ARID1B: variants seen among roughly 807,000 people sequenced by gnomAD.
ARID1B encodes the protein AT-rich interaction domain 1B, also known as AT-rich interactive domain-containing protein 1B.
Under a neutral mutation model 212.3 loss-of-function variants are expected in ARID1B, and 30 were observed. That is an observed-to-expected ratio of 0.14 (90% CI 0.11 to 0.19). ARID1B has a LOEUF of 0.19. Among genes scored for constraint, ARID1B ranks in the 10% least tolerant of loss-of-function variants. ARID1B has a pLI of 1.00. For missense variants in ARID1B, 2,891 were observed against 3,204.0 expected, an observed-to-expected ratio of 0.90 and a Z score of 2.36; for synonymous variants, 1,402 against 1,301.7, an observed-to-expected ratio of 1.08 and a Z score of -1.66.
chr6:156,921,025 G>A (rs1467567823), intron 3 of ARID1B, among the ~76,000 whole-genome samples: 1 of 151,924 alleles, frequency 6.6e-6, no homozygotes, highest in East Asian at 1.9e-4. Context: ...TTAATTAGCA[G>A]GGGGACTCCA....
chr6:157,008,219 A>T (rs1205192556), intron 4 of ARID1B, among the ~76,000 whole-genome samples: 1 of 152,218 alleles, frequency 6.6e-6, no homozygotes, highest in African/African-American at 2.4e-5. Flanking sequence ...AGTGGCATTA[A>T]GTACATTCAC....
At chr6:156,948,147 G>T (rs1027621494) in intron 4 of ARID1B, among the ~76,000 whole-genome samples, 14 of 152,306 alleles carry the variant, frequency 9.2e-5, no homozygotes, top group African/African-American at 3.1e-4. Context: ...AAAGTTAGGG[G>T]TATTCTTGAA....
intron 4 of ARID1B, chr6:156,976,871 C>T: frequency 6.9e-6 from 4 of 578,494 alleles, no homozygotes; most frequent in South Asian, 5.5e-5. Context: ...TTGTTGTGAA[C>T]CTCACAGGCG....
intron 1 of ARID1B, among the ~76,000 whole-genome samples, chr6:156,805,025 A>G (rs145307910): frequency 4.3e-4 from 65 of 152,294 alleles, no homozygotes; most frequent in African/African-American, 1.5e-3. Flanking sequence ...TAACAAATGT[A>G]AACATCTCAC....
intron 1 of ARID1B, among the ~76,000 whole-genome samples, chr6:156,824,084 A>G (rs1782577187): frequency 6.6e-6 from 1 of 152,244 alleles, no homozygotes; most frequent in South Asian, 2.1e-4. Flanking sequence ...TTTCTTAAAA[A>G]TAGACAATGT....
chr6:157,144,674 G>A (rs569833318), intron 7 of ARID1B, among the ~76,000 whole-genome samples: 35 of 151,876 alleles, frequency 2.3e-4, no homozygotes, highest in African/African-American at 4.1e-4. Context: ...CTGGGTAAGC[G>A]TGGGAAGAGG....
rs543003428 is a variant in ARID1B, at chr6:157,094,320, C to T, written c.2491+9415C>T. On this transcript the variant is annotated intron_variant, in intron 5 of 19. Coordinates refer to ENST00000636930, the MANE Select transcript of ARID1B (RefSeq NM_001374828.1). The surrounding 1 kb of genome is among the most constrained non-coding windows in gnomAD (Gnocchi z 4.3). ...GGCAGTTAGGTGAGAGAGGAGCTAACGACTTTGTAGGTTATGATTATGATT... is the reference window on the plus strand; with the variant it reads ...GGCAGTTAGGTGAGAGAGGAGCTAATGACTTTGTAGGTTATGATTATGATT... 3.3e-5 allele frequency among the ~76,000 whole-genome samples: 5 copies of T among 152,136 alleles called. No individual in the cohort carries two copies. The highest frequency in any genetic ancestry group is 4.2e-4 in the South Asian group (2 of 4,818).
intron 2 of ARID1B, among the ~76,000 whole-genome samples, chr6:156,876,031 C>A (rs1583198359): frequency 2.6e-5 from 4 of 152,120 alleles, no homozygotes; most frequent in Admixed American, 2.6e-4. Flanking sequence ...TTTAAAGCAT[C>A]TTTAAAATTT....
chr6:156,998,344 C>A (rs1438088770), intron 4 of ARID1B, among the ~76,000 whole-genome samples: 4 of 151,998 alleles, frequency 2.6e-5, no homozygotes, highest in African/African-American at 4.8e-5. Flanking sequence ...CCTCAGCCTC[C>A]TGAGTAGCTG....
At chr6:157,022,132 A>G (rs987890217) in intron 4 of ARID1B, among the ~76,000 whole-genome samples, 5 of 120,302 alleles carry the variant, frequency 4.2e-5, no homozygotes, top group African/African-American at 1.6e-4. Context: ...CGCCAAGAAC[A>G]GGGCGGGGAG....
At chr6:156,862,893 A>G (rs1370975577) in intron 2 of ARID1B, among the ~76,000 whole-genome samples, 1 of 152,252 alleles carries the variant, frequency 6.6e-6, no homozygotes, top group Non-Finnish European at 1.5e-5. Flanking sequence ...GCTGAGTTTC[A>G]TAAGATGAAT....
chr6:156,778,788 C>T lies in ARID1B; in HGVS notation c.1108C>T (p.His370Tyr), dbSNP rs920460734. ...PGSMDPLQNS[H>Y]EGYPNSQCNH... is the part of the protein sequence containing the mutation. ...CAGCATGGACCCCCTGCAGAACTCC[C>T]ACGAAGGGTACCCCAACAGCCAGTG... Residue 370 changes from histidine to tyrosine, a missense_variant, in exon 1 of 20, where the codon CAC (histidine) becomes TAC (tyrosine). His to Tyr is a moderately conservative substitution (Grantham distance 83). Transcript: ENST00000636930. 2.8e-5 allele frequency: 43 copies of T among 1,509,098 alleles called. No individual in the cohort carries two copies. The highest frequency in any genetic ancestry group is 3.7e-5 in the Non-Finnish European group (42 of 1,126,496). 93.5% of individuals were successfully genotyped at this position (1,509,098 alleles called of 1,614,324 possible). A position where few individuals can be genotyped will look rare whatever the true frequency, so the allele number is the denominator to read the frequency against.
rs138933621 is a variant in ARID1B at position 157,097,555 on chromosome 6, A to C, written c.2491+12650A>C. Reference sequence around the variant, plus strand: ...TGAGCATCCGCATGTGGCACTTCTCATAGCCAACCACCCATGTTTACAGGC... The same window carrying C: ...TGAGCATCCGCATGTGGCACTTCTCCTAGCCAACCACCCATGTTTACAGGC... On this transcript the variant is annotated intron_variant, in intron 5 of 19. Coordinates refer to ENST00000636930, the MANE Select transcript of ARID1B (RefSeq NM_001374828.1). Among the ~76,000 whole-genome samples, 468 of 152,348 alleles carry C rather than the reference A, an allele frequency of 3.1e-3. 14 individuals are homozygous for C. The highest frequency in any genetic ancestry group is 0.015 in the East Asian group (76 of 5,186).
chr6:157,054,498 A>T (rs1782812790), intron 4 of ARID1B, among the ~76,000 whole-genome samples: 1 of 152,228 alleles, frequency 6.6e-6, no homozygotes, highest in Admixed American at 6.5e-5. Context: ...TACAAGGGAC[A>T]TGAGAAATTA....
At position 157,004,668 on chromosome 6, in the gene ARID1B, A is replaced by C. The variant is rs117415263; in HGVS notation, c.2247+69092A>C. Among the ~76,000 whole-genome samples the C allele has an allele frequency of 4.4e-4, 67 of 152,292 alleles. No individual in the cohort carries two copies. In the East Asian group the frequency reaches 0.012, roughly 28 times the overall value. Reference sequence around the variant, plus strand: ...AGAAATGTGTTCGGAACAGCCGTGCACTTGGACTTGGCTGTGTTCACCACT... The same window carrying C: ...AGAAATGTGTTCGGAACAGCCGTGCCCTTGGACTTGGCTGTGTTCACCACT... On this transcript the variant is annotated intron_variant, in intron 4 of 19. Coordinates refer to ENST00000636930, the MANE Select transcript of ARID1B (RefSeq NM_001374828.1).
At chr6:156,892,350 T>C (rs531825181) in intron 2 of ARID1B, among the ~76,000 whole-genome samples, 1 of 152,286 alleles carries the variant, frequency 6.6e-6, no homozygotes, top group South Asian at 2.1e-4. Flanking sequence ...TTATGTAAAA[T>C]GAAAACATAA....
At chr6:157,027,066 C>G (rs1208199196) in intron 4 of ARID1B, among the ~76,000 whole-genome samples, 1 of 151,950 alleles carries the variant, frequency 6.6e-6, no homozygotes, top group Admixed American at 6.6e-5. Flanking sequence ...TGGTGGGGAG[C>G]CAGTTTAGTT....
intron 10 of ARID1B, among the ~76,000 whole-genome samples, chr6:157,174,594 A>G (rs1480366748): frequency 6.6e-6 from 1 of 151,542 alleles, no homozygotes; most frequent in Non-Finnish European, 1.5e-5. Flanking sequence ...GTAAGCTTGA[A>G]GTAAGCATGG....
chr6:157,193,305 A>G (rs1793508799), intron 15 of ARID1B, among the ~76,000 whole-genome samples: 1 of 152,214 alleles, frequency 6.6e-6, no homozygotes, highest in Non-Finnish European at 1.5e-5. Flanking sequence ...TCACATTGTA[A>G]GAATGTTTCT....
Sources: gnomAD v4.1 joint callset for allele counts (sites outside exome capture counted in the v4.1 genomes callset) on GRCh38, gnomAD v4.1.1 for gene constraint, Gnocchi (gnomAD v3.1) non-coding constraint, MANE v1.5 for transcripts, NCBI Gene and HGNC (gene_info 2026-07-23, HGNC 2026-07-21) for gene names.